Variants in TSPAN5 observed in about 807,000 individuals in gnomAD.
TSPAN5 encodes the protein tetraspanin 5.
A neutral mutation model predicts 37.1 loss-of-function variants in TSPAN5; 10 were observed. The ratio of observed to expected loss-of-function variants is 0.27; its 90% CI spans 0.17 to 0.46. The LOEUF (loss-of-function observed/expected upper bound fraction) is 0.46, where lower values mean the gene tolerates loss of function less well. TSPAN5 is among the 20% of genes least tolerant of loss of function. The pLI is 1.00. For missense variants in TSPAN5, 195 were observed against 326.6 expected (o/e 0.60, Z 3.11); for synonymous variants, 110 against 118.9 (o/e 0.93, Z 0.48).
chr4:98,598,022 GC>G (rs1755786848), intron 1 of TSPAN5, among the ~76,000 whole-genome samples: 1 of 92,340 alleles, frequency 1.1e-5, no homozygotes, highest in Non-Finnish European at 2.0e-5. Context: ...AATGGCGGGC[GC>G]CCCTCCCCCA....
In TSPAN5 at chr4:98,658,332, C is replaced by T. The variant is rs569972758; in HGVS notation, c.-106G>A. On this transcript the variant is annotated 5_prime_UTR_variant, in exon 1 of 8. In the 5' UTR this introduces an upstream ATG that the reference lacks. Transcript: ENST00000305798. ...GGAGCAGGAGCTCAGGGACACCGCA[C>T]GGGGCCGCGGCGCTGGCGGCCTGGG... 3 of 914,926 alleles carry T rather than the reference C, an allele frequency of 3.3e-6. No homozygotes were observed. Among genetic ancestry groups the T allele is most frequent in the African/African-American group, 3.4e-5 (2 of 59,176 alleles). 56.7% of individuals were successfully genotyped at this position (914,926 alleles called of 1,614,324 possible). A position where few individuals can be genotyped will look rare whatever the true frequency, so the allele number is the denominator to read the frequency against.
At chr4:98,636,507 C>A (rs1333574294) in intron 1 of TSPAN5, among the ~76,000 whole-genome samples, 3 of 152,092 alleles carry the variant, frequency 2.0e-5, no homozygotes, top group Non-Finnish European at 4.4e-5. Context: ...AAATCTCCTG[C>A]AGTAGAGTGG....
At chr4:98,612,273 A>T (rs1756215353) in intron 1 of TSPAN5, among the ~76,000 whole-genome samples, 1 of 152,148 alleles carries the variant, frequency 6.6e-6, no homozygotes, top group South Asian at 2.1e-4. Context: ...AGGAGGAAGA[A>T]GCAAGCAAGT....
intron 1 of TSPAN5, among the ~76,000 whole-genome samples, chr4:98,582,350 G>A (rs761608137): frequency 6.6e-6 from 1 of 152,188 alleles, no homozygotes; most frequent in Non-Finnish European, 1.5e-5. Context: ...CAGCTCAGAC[G>A]CTGACCAGGA....
chr4:98,496,689 C>T (rs1429032104), intron 2 of TSPAN5: 1 of 152,236 alleles, frequency 6.6e-6, no homozygotes, highest in Non-Finnish European at 1.5e-5. Context: ...ACCATCTCTA[C>T]ACACTCTGGT....
chr4:98,520,024 G>A (rs1194732069), intron 1 of TSPAN5, among the ~76,000 whole-genome samples: 1 of 152,182 alleles, frequency 6.6e-6, no homozygotes, highest in Non-Finnish European at 1.5e-5. Context: ...GCATATGCCT[G>A]GCTCAATAAA....
intron 1 of TSPAN5, among the ~76,000 whole-genome samples, chr4:98,583,457 A>G (rs1358547): frequency 0.72 from 109,683 of 151,926 alleles, 39,668 homozygotes; most frequent in South Asian, 0.85. Flanking sequence ...GTTCCCCTCT[A>G]TGTGTCCATG....
At chr4:98,535,208 C>A (rs1241296255) in intron 1 of TSPAN5, among the ~76,000 whole-genome samples, 1 of 152,158 alleles carries the variant, frequency 6.6e-6, no homozygotes, top group African/African-American at 2.4e-5. Flanking sequence ...CCTTCAGGAG[C>A]TCCTGTAAGG....
At chr4:98,620,054 T>C (rs11097626) in intron 1 of TSPAN5, among the ~76,000 whole-genome samples, 87,382 of 151,990 alleles carry the variant, frequency 0.57, 26,516 homozygotes, top group African/African-American at 0.77. Flanking sequence ...TTTTTAAACA[T>C]GGCTGCAAAT....
At chr4:98,474,535 A>G (rs1031213693) in intron 7 of TSPAN5, among the ~76,000 whole-genome samples, 11 of 151,612 alleles carry the variant, frequency 7.3e-5, no homozygotes, top group Non-Finnish European at 1.6e-4. Context: ...TTTTGTAGAG[A>G]CAGGGTTTTG....
chr4:98,633,661 T>C (rs150579629), intron 1 of TSPAN5, among the ~76,000 whole-genome samples: 2 of 152,326 alleles, frequency 1.3e-5, no homozygotes, highest in African/African-American at 2.4e-5. Context: ...TAGGTTACAA[T>C]GGCTGCACTA....
At chr4:98,495,419 G>A (rs1405221721) in intron 2 of TSPAN5, among the ~76,000 whole-genome samples, 5 of 151,890 alleles carry the variant, frequency 3.3e-5, no homozygotes, top group Admixed American at 2.6e-4. Flanking sequence ...CAGCTACTCG[G>A]GAGGCTGAGG....
intron 1 of TSPAN5, among the ~76,000 whole-genome samples, chr4:98,600,327 CATTG>C (rs1755855855): frequency 1.3e-5 from 2 of 152,146 alleles, no homozygotes. Context: ...AAGTTTGCAG[CATTG>C]ATTGACTCTT....
intron 1 of TSPAN5, among the ~76,000 whole-genome samples, chr4:98,558,759 T>C (rs1395858110): frequency 6.6e-6 from 1 of 152,006 alleles, no homozygotes; most frequent in African/African-American, 2.4e-5. Context: ...CAGAGTGGAG[T>C]TGCTTGAAAC....
At chr4:98,538,222 T>C (rs1754279875) in intron 1 of TSPAN5, among the ~76,000 whole-genome samples, 1 of 152,246 alleles carries the variant, frequency 6.6e-6, no homozygotes, top group Admixed American at 6.5e-5. Context: ...TTTAGAACAA[T>C]GACTTTGGAC....
intron 1 of TSPAN5, among the ~76,000 whole-genome samples, chr4:98,568,794 C>T (rs1262025543): frequency 6.6e-6 from 1 of 152,218 alleles, no homozygotes; most frequent in Non-Finnish European, 1.5e-5. Context: ...GAAACAGCTC[C>T]AAGCCCTAAA....
At chr4:98,570,572 T>C (rs1755096414) in intron 1 of TSPAN5, among the ~76,000 whole-genome samples, 1 of 152,064 alleles carries the variant, frequency 6.6e-6, no homozygotes, top group Admixed American at 6.5e-5. Context: ...GACTGCAAAT[T>C]TCAGCACTTA....
chr4:98,556,214 T>C (rs1754747232), intron 1 of TSPAN5, among the ~76,000 whole-genome samples: 1 of 152,148 alleles, frequency 6.6e-6, no homozygotes, highest in Non-Finnish European at 1.5e-5. Flanking sequence ...CCATCCTTCC[T>C]GTAGAAGGAT....
At chr4:98,474,629 T>G (rs566985659) in intron 7 of TSPAN5, among the ~76,000 whole-genome samples, 1 of 152,332 alleles carries the variant, frequency 6.6e-6, no homozygotes, top group East Asian at 1.9e-4. Context: ...ATTACAGGCA[T>G]GAGCCACTGC....
Sources: allele counts gnomAD v4.1 joint callset (sites outside exome capture counted in the v4.1 genomes callset), GRCh38; gene constraint gnomAD v4.1.1; transcripts MANE v1.5; gene names NCBI Gene and HGNC (gene_info 2026-07-23, HGNC 2026-07-21).